The following BORCS5 variants were observed in gnomAD, a reference collection of about 807,000 sequenced individuals.
BORCS5 encodes the protein BLOC-1 related complex subunit 5.
A neutral mutation model predicts 22.1 loss-of-function variants in BORCS5; 17 were observed. That is an observed-to-expected ratio of 0.77 (90% confidence interval 0.53 to 1.15). BORCS5 has a LOEUF of 1.15. Among genes scored for constraint, BORCS5 ranks in the 50% most tolerant of loss-of-function variants. BORCS5 has a pLI of 0.00. For missense variants in BORCS5, 247 were observed against 253.2 expected, an observed-to-expected ratio of 0.98 and a Z score of 0.17; for synonymous variants, 117 against 99.8, an observed-to-expected ratio of 1.17 and a Z score of -1.03.
intron 2 of BORCS5, among the ~76,000 whole-genome samples, chr12:12,388,213 AGTCTATACTT>A (rs1863925105): frequency 6.6e-6 from 1 of 151,286 alleles, no homozygotes; most frequent in African/African-American, 2.4e-5. Flanking sequence ...ATTTATTACT[AGTCTATACTT>A]ATTTAAAACA....
chr12:12,458,978 G>T (rs908056766), intron 3 of BORCS5, among the ~76,000 whole-genome samples: 1 of 151,402 alleles, frequency 6.6e-6, no homozygotes, highest in Non-Finnish European at 1.5e-5. Context: ...TCTCAAAAAA[G>T]AATTAAAAAA....
At chr12:12,427,476 G>A (rs148179613) in intron 2 of BORCS5, among the ~76,000 whole-genome samples, 3 of 152,232 alleles carry the variant, frequency 2.0e-5, no homozygotes, top group African/African-American at 2.4e-5. Context: ...CACCGCGCCC[G>A]GCCAGACTTT....
At chr12:12,363,226 G>A (rs774383675) in intron 2 of BORCS5, among the ~76,000 whole-genome samples, 1 of 151,834 alleles carries the variant, frequency 6.6e-6, no homozygotes, top group Non-Finnish European at 1.5e-5. Context: ...GAGCCCAGGA[G>A]GTCAAGGGTG....
chr12:12,438,379 AACGAAAAACAACAAC>A (rs1942608703), intron 3 of BORCS5, among the ~76,000 whole-genome samples: 1 of 121,500 alleles, frequency 8.2e-6, no homozygotes, highest in African/African-American at 4.7e-5. Context: ...AAAAAAAAAA[AACGAAAAACAACAAC>A]AAAAACCTCT....
intron 2 of BORCS5, among the ~76,000 whole-genome samples, chr12:12,402,365 G>A (rs888200): frequency 0.58 from 87,417 of 151,934 alleles, 25,918 homozygotes; most frequent in African/African-American, 0.71. Context: ...TTCAGCTTCT[G>A]TCATATTTGA....
chr12:12,418,172 T>C (rs563012988), intron 2 of BORCS5, among the ~76,000 whole-genome samples: 2 of 151,298 alleles, frequency 1.3e-5, no homozygotes, highest in South Asian at 4.2e-4. Context: ...TATAGGTGCC[T>C]GCCGCCATGC....
chr12:12,367,016 T>C (rs61923560), intron 2 of BORCS5, among the ~76,000 whole-genome samples: 28,547 of 152,146 alleles, frequency 0.19, 7,238 homozygotes, highest in African/African-American at 0.58. Context: ...GTTGGGAGTT[T>C]GGTGTTTGGT....
rs977206559 is a variant in BORCS5 at position 12,359,466 on chromosome 12, A to G, written c.59-1740A>G. On this transcript the variant is annotated intron_variant, in intron 1 of 3. Transcript: ENST00000314565. ...AACCTCCGCCTCCCGGATTCAAGCA[A>G]TTTTCCTGCCTCAGCCTCCCAAGTA... Among the ~76,000 whole-genome samples the G allele has an allele frequency of 4.7e-5, 7 of 150,532 alleles. No homozygotes were observed. In the East Asian group the frequency reaches 5.9e-4, roughly 13 times the overall value.
chr12:12,463,364 A>G (rs1049134666), intron 3 of BORCS5, among the ~76,000 whole-genome samples: 3 of 152,044 alleles, frequency 2.0e-5, no homozygotes, highest in South Asian at 4.1e-4. Flanking sequence ...AATGGGGGAA[A>G]CATTTAAAAG....
At chr12:12,431,375 AC>A (rs1942420597) in intron 2 of BORCS5, among the ~76,000 whole-genome samples, 1 of 144,826 alleles carries the variant, frequency 6.9e-6, no homozygotes, top group African/African-American at 2.5e-5. Flanking sequence ...TCTTTTCATA[AC>A]TTTTGTTCAT....
chr12:12,361,374 C>G, intron 2 of BORCS5, 25 bp downstream of exon 2: 1 of 1,608,208 alleles, frequency 6.2e-7, no homozygotes, highest in Middle Eastern at 1.7e-4. Context: ...TTTGTTTTAT[C>G]TGAACTTGCT....
intron 3 of BORCS5, among the ~76,000 whole-genome samples, chr12:12,438,374 A>AAACAAAAAACAAAAAAC (rs1555156021): frequency 8.0e-6 from 1 of 125,064 alleles, no homozygotes; most frequent in African/African-American, 3.8e-5. Context: ...AAAAAAAAAA[A>AAACAAAAAACAAAAAAC]AAAAAACGAA....
chr12:12,366,628 G>T (rs1245855909), intron 2 of BORCS5, among the ~76,000 whole-genome samples: 1 of 152,200 alleles, frequency 6.6e-6, no homozygotes, highest in Non-Finnish European at 1.5e-5. Flanking sequence ...TTTGATGTAA[G>T]TTAGCAAGAT....
intron 3 of BORCS5, among the ~76,000 whole-genome samples, chr12:12,447,159 A>G (rs1267400777): frequency 6.6e-6 from 1 of 152,100 alleles, no homozygotes; most frequent in African/African-American, 2.4e-5. Context: ...AGATATTGTA[A>G]TAGTCATAGT....
chr12:12,438,550 G>T (rs931780679), intron 3 of BORCS5, among the ~76,000 whole-genome samples: 6 of 152,088 alleles, frequency 3.9e-5, no homozygotes, highest in African/African-American at 9.7e-5. Context: ...CAAGACTTCA[G>T]AGCAGTGTTT....
chr12:12,459,792 T>A (rs1294866416), intron 3 of BORCS5, among the ~76,000 whole-genome samples: 1 of 152,166 alleles, frequency 6.6e-6, no homozygotes, highest in Non-Finnish European at 1.5e-5. Flanking sequence ...GTTGAAAAAC[T>A]TTTTTCCCCC....
intron 3 of BORCS5, among the ~76,000 whole-genome samples, chr12:12,456,219 G>A (rs1942996182): frequency 6.6e-6 from 1 of 152,170 alleles, no homozygotes; most frequent in African/African-American, 2.4e-5. Context: ...GATGGCTTGG[G>A]CCAGGAGTTT....
At chr12:12,444,769 AT>A (rs1443705380) in intron 3 of BORCS5, among the ~76,000 whole-genome samples, 7 of 152,192 alleles carry the variant, frequency 4.6e-5, no homozygotes, top group Non-Finnish European at 8.8e-5. Flanking sequence ...TTAAAAAAAA[AT>A]CAAGCTATAA....
intron 3 of BORCS5, among the ~76,000 whole-genome samples, chr12:12,436,046 A>C (rs781765659): frequency 2.0e-5 from 3 of 152,222 alleles, no homozygotes; most frequent in Admixed American, 2.0e-4. Flanking sequence ...GGCTAATAGT[A>C]GTAACTTACC....
Sources: allele counts gnomAD v4.1 joint callset (sites outside exome capture counted in the v4.1 genomes callset), GRCh38; gene constraint gnomAD v4.1.1; transcripts MANE v1.5; gene names NCBI Gene and HGNC (gene_info 2026-07-23, HGNC 2026-07-21).